ERC2: variants seen among roughly 807,000 people sequenced by gnomAD.
ERC2 encodes ERC protein 2.
A neutral mutation model predicts 114.8 loss-of-function variants in ERC2; 42 were observed. The ratio of observed to expected loss-of-function variants is 0.37; its 90% confidence interval spans 0.29 to 0.47. ERC2 has a LOEUF of 0.47. Ranked by LOEUF, ERC2 falls within the 20% of genes least tolerant of loss-of-function variation. The pLI, the probability that ERC2 is intolerant of heterozygous loss-of-function variation, is 0.99. For missense variants in ERC2, 939 were observed against 1,150.7 expected (o/e 0.82, Z 2.66); for synonymous variants, 454 against 425.5 (o/e 1.07, Z -0.82).
chr3:56,298,676 A>T (rs2055620828), intron 2 of ERC2, among the ~76,000 whole-genome samples: 1 of 149,876 alleles, frequency 6.7e-6, no homozygotes. Flanking sequence ...CCATAGATGG[A>T]GAATAAATTA....
rs570252397 is a variant in ERC2 at position 56,406,995 on chromosome 3, T to C, written c.657+27356A>G. On this transcript the variant is annotated intron_variant, in intron 2 of 17. Coordinates refer to ENST00000288221, the MANE Select transcript of ERC2 (RefSeq NM_015576.3). ...CCAGTGGATTCTTGAACTTAATAAATGTAATTTCTGCTTGGAAATTTTCCT... is the reference window on the plus strand; with the variant it reads ...CCAGTGGATTCTTGAACTTAATAAACGTAATTTCTGCTTGGAAATTTTCCT... Among the ~76,000 whole-genome samples, 12 of 152,272 alleles carry C rather than the reference T, an allele frequency of 7.9e-5. No individual in the cohort carries two copies. In the South Asian group the frequency reaches 2.3e-3, roughly 29 times the overall value.
intron 6 of ERC2, among the ~76,000 whole-genome samples, chr3:56,102,552 A>G (rs899921816): frequency 4.6e-5 from 7 of 152,212 alleles, no homozygotes; most frequent in African/African-American, 1.7e-4. Context: ...TATTGAGATC[A>G]TTCCATTTGA....
rs555684203 is a variant in ERC2 at position 55,518,179 on chromosome 3, A to C, written c.*40-6903T>G. ...GGGAGATAAAATTGCTCCACTTGAC[A>C]ACCACTGGCCTAGTCAATTGTTACT... On this transcript the variant is annotated intron_variant, in intron 17 of 17. Coordinates refer to ENST00000288221, the MANE Select transcript of ERC2 (RefSeq NM_015576.3). Among the ~76,000 whole-genome samples, 97 of 152,300 alleles carry C rather than the reference A, an allele frequency of 6.4e-4. 1 individual carries two copies. The Middle Eastern group carries it at 0.017, about 27-fold the overall frequency.
chr3:55,650,124 G>T (rs1407722518), intron 17 of ERC2, among the ~76,000 whole-genome samples: 1 of 152,180 alleles, frequency 6.6e-6, no homozygotes, highest in Non-Finnish European at 1.5e-5. Context: ...AAAGAGAAAG[G>T]CTTGTCAGAA....
At chr3:56,276,741 C>T (rs946410230) in intron 3 of ERC2, among the ~76,000 whole-genome samples, 1 of 152,128 alleles carries the variant, frequency 6.6e-6, no homozygotes, top group Non-Finnish European at 1.5e-5. Context: ...CAGGGGTGTC[C>T]AATCTTTTGG....
chr3:56,228,688 C>T (rs1246231563), intron 3 of ERC2, among the ~76,000 whole-genome samples: 1 of 152,148 alleles, frequency 6.6e-6, no homozygotes, highest in Non-Finnish European at 1.5e-5. Context: ...TGAGTTTCTG[C>T]TTTCAGTTCT....
intron 3 of ERC2, among the ~76,000 whole-genome samples, chr3:56,218,112 T>A (rs1203980718): frequency 6.6e-6 from 1 of 152,174 alleles, no homozygotes; most frequent in African/African-American, 2.4e-5. Context: ...TCAAAAGCAA[T>A]GGCAACAAAA....
In ERC2 at chr3:55,737,462, C is replaced by T. The variant is rs970561837; in HGVS notation, c.2565-2544G>A. ...TGAAGAGGCTATACAGACTTTAAATCGGGGAGAGCCTATTTGCTATCTGCT... is the reference window on the plus strand; with the variant it reads ...TGAAGAGGCTATACAGACTTTAAATTGGGGAGAGCCTATTTGCTATCTGCT... On this transcript the variant is annotated intron_variant, in intron 14 of 17. Transcript: ENST00000288221. Among the ~76,000 whole-genome samples the T allele has an allele frequency of 3.6e-4, 55 of 152,146 alleles. 1 individual carries two copies. Among genetic ancestry groups the T allele is most frequent in the Non-Finnish European group, 4.4e-5 (3 of 68,020 alleles).
intron 17 of ERC2, among the ~76,000 whole-genome samples, chr3:55,563,839 T>C (rs1440635662): frequency 6.6e-6 from 1 of 152,212 alleles, no homozygotes; most frequent in Non-Finnish European, 1.5e-5. Context: ...GAGCCACTCC[T>C]GCCTGGGCTC....
intron 3 of ERC2, among the ~76,000 whole-genome samples, chr3:56,289,916 C>A (rs2054972123): frequency 6.6e-6 from 1 of 152,188 alleles, no homozygotes; most frequent in Admixed American, 6.5e-5. Flanking sequence ...CAATTACTTA[C>A]CTCACTCTGC....
intron 4 of ERC2, among the ~76,000 whole-genome samples, chr3:56,172,077 A>G (rs1021943106): frequency 7.9e-5 from 12 of 151,082 alleles, no homozygotes; most frequent in Admixed American, 5.3e-4. Context: ...GTTTGATTCC[A>G]ATGTGAAGTG....
At chr3:56,063,489 C>T (rs1336732906) in intron 7 of ERC2, among the ~76,000 whole-genome samples, 1 of 151,984 alleles carries the variant, frequency 6.6e-6, no homozygotes, top group African/African-American at 2.4e-5. Flanking sequence ...TATTGAGCAC[C>T]AACAGTGATG....
At chr3:56,204,468 A>G (rs552039075) in intron 3 of ERC2, among the ~76,000 whole-genome samples, 11 of 64,954 alleles carry the variant, frequency 1.7e-4, no homozygotes, top group East Asian at 5.1e-4. Flanking sequence ...CAAACATTTA[A>G]TTAGATGCTT....
chr3:55,787,976 T>A (rs10049464), intron 14 of ERC2, among the ~76,000 whole-genome samples: 11,359 of 152,266 alleles, frequency 0.075, 724 homozygotes, highest in African/African-American at 0.17. Flanking sequence ...ATTGACTAAG[T>A]AGCCAGTAGC....
intron 4 of ERC2, among the ~76,000 whole-genome samples, chr3:56,151,120 G>C (rs1199977939): frequency 6.6e-6 from 1 of 152,128 alleles, no homozygotes; most frequent in Non-Finnish European, 1.5e-5. Context: ...AAGTCACCCA[G>C]TCTATAGTAC....
intron 7 of ERC2, among the ~76,000 whole-genome samples, chr3:56,024,104 G>A (rs2073900184): frequency 6.6e-6 from 1 of 152,118 alleles, no homozygotes; most frequent in African/African-American, 2.4e-5. Context: ...CCCACACCTA[G>A]AGTATCAGTT....
chr3:55,658,548 G>A (rs923671152), intron 17 of ERC2: 4 of 152,668 alleles, frequency 2.6e-5, no homozygotes, highest in Non-Finnish European at 4.4e-5. Context: ...AAACTGAAAG[G>A]AATTCCCCAG....
intron 17 of ERC2, among the ~76,000 whole-genome samples, chr3:55,552,094 T>C (rs918880852): frequency 6.6e-6 from 1 of 152,176 alleles, no homozygotes; most frequent in African/African-American, 2.4e-5. Context: ...AGCTCGGTCC[T>C]CAACTGTGAG....
At chr3:56,330,696 T>A (rs920294467) in intron 2 of ERC2, among the ~76,000 whole-genome samples, 1 of 152,006 alleles carries the variant, frequency 6.6e-6, no homozygotes. Flanking sequence ...AAATGCACAA[T>A]GGAGCATTTT....
Sources: gnomAD v4.1 joint callset for allele counts (sites outside exome capture counted in the v4.1 genomes callset) on GRCh38, gnomAD v4.1.1 for gene constraint, MANE v1.5 for transcripts, NCBI Gene and HGNC (gene_info 2026-07-23, HGNC 2026-07-21) for gene names.